Variants in DNAH12 observed in about 807,000 individuals in gnomAD.
DNAH12 encodes the protein axonemal beta dynein heavy chain 12.
DNAH12 carries 285 observed loss-of-function variants against 371.5 expected under a neutral mutation model. That is an observed-to-expected ratio of 0.77 (90% CI 0.70 to 0.85). The LOEUF (loss-of-function observed/expected upper bound fraction) is 0.85, where lower values mean the gene tolerates loss of function less well. Ranked by LOEUF, DNAH12 falls within the 40% of genes least tolerant of loss-of-function variation. The probability of loss-of-function intolerance (pLI) is 0.00; values close to 1 mark genes in which losing one functional copy is unlikely to be tolerated. For synonymous variants in DNAH12, 1,200 were observed against 1,213.0 expected, an observed-to-expected ratio of 0.99 and a Z score of 0.22; for missense variants, 3,611 against 3,689.4, an observed-to-expected ratio of 0.98 and a Z score of 0.55.
rs58958877 is a variant in DNAH12 at position 57,450,250 on chromosome 3, T to TAAAAAAAA, written c.3786+2585_3786+2592dup. ...GTGACAGAGTGAGACTGTCTCAATT[T>TAAAAAAAA]AAAAAAAAAAAAAGGTGGCCCAGTG... On this transcript the variant is annotated intron_variant, in intron 25 of 73. Coordinates refer to ENST00000495027, the MANE Select transcript of DNAH12 (RefSeq NM_001366028.2). 4.5e-3 allele frequency among the ~76,000 whole-genome samples: 446 copies of TAAAAAAAA among 98,576 alleles called. 34 individuals carry two copies. Among genetic ancestry groups the TAAAAAAAA allele is most frequent in the African/African-American group, 0.01 (253 of 24,852 alleles). The allele number at this position is 98,576 out of a possible 152,430, so 64.7% of individuals were successfully genotyped here. A position where few individuals can be genotyped will look rare whatever the true frequency, so the allele number is the denominator to read the frequency against.
At chr3:57,370,267 T>C (rs984989722) in intron 55 of DNAH12, among the ~76,000 whole-genome samples, 1 of 152,226 alleles carries the variant, frequency 6.6e-6, no homozygotes, top group Non-Finnish European at 1.5e-5. Context: ...GGTTGAAACA[T>C]AGCAAAATCA....
chr3:57,518,548 A>AAAAGAAAAG (rs1553717724), intron 4 of DNAH12, among the ~76,000 whole-genome samples: 5 of 151,872 alleles, frequency 3.3e-5, no homozygotes, highest in East Asian at 1.9e-4. Context: ...AAAAGAAAAG[A>AAAAGAAAAG]AAAGAAAGAA....
At chr3:57,467,027 T>A (rs2066223833) in intron 17 of DNAH12, among the ~76,000 whole-genome samples, 1 of 152,128 alleles carries the variant, frequency 6.6e-6, no homozygotes, top group Non-Finnish European at 1.5e-5. Context: ...AGCACTGGGA[T>A]TACAGGTTAC....
chr3:57,547,838 T>A (rs1278680033), upstream of DNAH12, among the ~76,000 whole-genome samples: 2 of 152,206 alleles, frequency 1.3e-5, no homozygotes, highest in African/African-American at 4.8e-5. Flanking sequence ...AAGTCCAGTT[T>A]TTACCATTGG....
At chr3:57,412,870 T>C (rs2064249492) in intron 39 of DNAH12, among the ~76,000 whole-genome samples, 2 of 152,194 alleles carry the variant, frequency 1.3e-5, no homozygotes, top group Non-Finnish European at 2.9e-5. Flanking sequence ...TTTTGGAAGG[T>C]AGTTTGGTGG....
chr3:57,446,294 T>A, intron 26 of DNAH12, 24 bp from the exon 27 acceptor site: 1 of 1,539,254 alleles, frequency 6.5e-7, no homozygotes, highest in Non-Finnish European at 8.8e-7. Context: ...AAAAGGAAAG[T>A]GATTTTTTTC....
chr3:57,530,351 G>T, intron 2 of DNAH12: 5 of 453,056 alleles, frequency 1.1e-5, no homozygotes, highest in Non-Finnish European at 1.6e-5. Context: ...GGATTTATTT[G>T]CCTTTCTGGG....
intron 40 of DNAH12, 41 bp downstream of exon 40, chr3:57,408,239 A>T (rs1553681893): frequency 2.0e-5 from 29 of 1,457,740 alleles, no homozygotes; most frequent in South Asian, 3.0e-5. Context: ...AATGAGGGAA[A>T]TATGTAATAC....
chr3:57,433,665 A>G lies in DNAH12; in HGVS notation c.4819T>C (p.Phe1607Leu), dbSNP rs1354959705. Residue 1607 changes from phenylalanine (F) to leucine (L), a missense_variant, in exon 31 of 74, where the codon TTT becomes CTT. By Grantham distance (22) the Phe-to-Leu change is conservative. Coordinates refer to ENST00000495027, the MANE Select transcript of DNAH12 (RefSeq NM_001366028.2). The stretch of plus-strand genomic sequence containing the variant: ...GTTACCTCATGAGACACTGGGTCAA[A>G]CTGTCCAAAAAGTTGGCCCATAGTA... ...SITMGQLFGQ[F>L]DPVSHEWTDG... The G allele has an allele frequency of 1.3e-6, 2 of 1,549,768 alleles. No homozygotes were observed. Among genetic ancestry groups the G allele is most frequent in the African/African-American group, 2.7e-5 (2 of 73,138 alleles).
the DNAH12 span, among the ~76,000 whole-genome samples, chr3:57,549,427 G>T: frequency 9.4e-5 from 14 of 148,962 alleles, no homozygotes; most frequent in East Asian, 2.7e-3. Context: ...TGACGTGGGA[G>T]AATCGCTTGA....
At chr3:57,351,740 CT>C (rs1553660386) in intron 60 of DNAH12, among the ~76,000 whole-genome samples, 1 of 152,010 alleles carries the variant, frequency 6.6e-6, no homozygotes, top group Non-Finnish European at 1.5e-5. Context: ...ATAAATGAGT[CT>C]ATGGTAGTTA....
intron 62 of DNAH12, among the ~76,000 whole-genome samples, chr3:57,325,817 T>C (rs1159286018): frequency 6.6e-6 from 1 of 152,068 alleles, no homozygotes; most frequent in Non-Finnish European, 1.5e-5. Flanking sequence ...TTAAAAACTT[T>C]GAAAAAAATT....
At chr3:57,325,728 T>G (rs2061926434) in intron 62 of DNAH12, among the ~76,000 whole-genome samples, 1 of 152,192 alleles carries the variant, frequency 6.6e-6, no homozygotes, top group South Asian at 2.1e-4. Context: ...GGAGAGTGAC[T>G]TTGACGAGTT....
At chr3:57,383,643 A>G (rs1180639889) in intron 49 of DNAH12, among the ~76,000 whole-genome samples, 1 of 110,326 alleles carries the variant, frequency 9.1e-6, no homozygotes, top group Non-Finnish European at 1.7e-5. Flanking sequence ...GCTACTCAGG[A>G]AGCTGAGTTG....
intron 59 of DNAH12, among the ~76,000 whole-genome samples, chr3:57,356,488 T>TAAAG (rs1363080087): frequency 0.018 from 2,517 of 141,656 alleles, 73 homozygotes; most frequent in African/African-American, 0.063. Flanking sequence ...AATAAATAAA[T>TAAAG]AAAATAAAGA....
At chr3:57,356,905 G>A (rs962325521) in intron 59 of DNAH12, among the ~76,000 whole-genome samples, 58 of 151,756 alleles carry the variant, frequency 3.8e-4, no homozygotes, top group African/African-American at 1.4e-3. Flanking sequence ...ACCACGCCTG[G>A]CTAATTTTTG....
chr3:57,309,468 T>C (rs890076752), intron 68 of DNAH12, among the ~76,000 whole-genome samples, 198 bp downstream of exon 68: 1 of 152,158 alleles, frequency 6.6e-6, no homozygotes, highest in Non-Finnish European at 1.5e-5. Flanking sequence ...CCACTTTAAA[T>C]TCATGATGTC....
chr3:57,508,322 A>C, intron 7 of DNAH12, 60 bp downstream of exon 7: 1 of 1,414,606 alleles, frequency 7.1e-7, no homozygotes, highest in African/African-American at 1.5e-5. Context: ...AAAATTATAC[A>C]GTCAAAAATA....
intron 65 of DNAH12, among the ~76,000 whole-genome samples, chr3:57,316,257 C>T (rs1468216948): frequency 1.3e-5 from 2 of 151,610 alleles, no homozygotes; most frequent in Non-Finnish European, 2.9e-5. Flanking sequence ...TTTTCTATGA[C>T]ATGATGCTGT....
Sources: allele counts gnomAD v4.1 joint callset (sites outside exome capture counted in the v4.1 genomes callset), GRCh38; gene constraint gnomAD v4.1.1; transcripts MANE v1.5; gene names NCBI Gene and HGNC (gene_info 2026-07-23, HGNC 2026-07-21).